DAAM1: variants seen among roughly 807,000 people sequenced by gnomAD.
The protein encoded by DAAM1 is disheveled-associated activator of morphogenesis 1.
Under a neutral mutation model 130.0 loss-of-function variants are expected in DAAM1, and 52 were observed. The observed-to-expected ratio is 0.40, with a 90% CI of 0.32 to 0.50. DAAM1 has a LOEUF of 0.50. DAAM1 is among the 20% of genes least tolerant of loss of function. The pLI, the probability that DAAM1 is intolerant of heterozygous loss-of-function variation, is 0.61. For missense variants in DAAM1, 1,134 were observed against 1,303.8 expected, an observed-to-expected ratio of 0.87 and a Z score of 2.01; for synonymous variants, 452 against 444.5, an observed-to-expected ratio of 1.02 and a Z score of -0.21.
intron 2 of DAAM1, among the ~76,000 whole-genome samples, chr14:59,275,530 T>C (rs1031293577): frequency 6.6e-6 from 1 of 152,222 alleles, no homozygotes; most frequent in Non-Finnish European, 1.5e-5. Context: ...TTGGAGATGA[T>C]TCTAACATGT....
chr14:59,294,044 T>C (rs1883854240), intron 3 of DAAM1, among the ~76,000 whole-genome samples: 1 of 152,178 alleles, frequency 6.6e-6, no homozygotes, highest in Non-Finnish European at 1.5e-5. Context: ...CAGGGCTCTG[T>C]CACATTTCCC....
intron 1 of DAAM1, among the ~76,000 whole-genome samples, chr14:59,218,461 CT>C (rs1374679736): frequency 6.6e-6 from 1 of 152,098 alleles, no homozygotes; most frequent in East Asian, 1.9e-4. Flanking sequence ...TGTTTCCTTG[CT>C]GTGATTTCAT....
intron 1 of DAAM1, among the ~76,000 whole-genome samples, chr14:59,257,516 T>G (rs992527118): frequency 6.8e-6 from 1 of 146,872 alleles, no homozygotes; most frequent in Non-Finnish European, 1.5e-5. Context: ...GAGAGCCAGA[T>G]AAGGAAGACA....
At chr14:59,305,271 T>C (rs1441660064) in intron 3 of DAAM1, among the ~76,000 whole-genome samples, 1 of 152,348 alleles carries the variant, frequency 6.6e-6, no homozygotes, top group East Asian at 1.9e-4. Context: ...TTGCACACTG[T>C]TGTGTCATAG....
chr14:59,235,334 C>G (rs964992700), intron 1 of DAAM1, among the ~76,000 whole-genome samples: 1 of 152,106 alleles, frequency 6.6e-6, no homozygotes, highest in African/African-American at 2.4e-5. Flanking sequence ...TGTTATTGGT[C>G]TATTCAGGGA....
intron 3 of DAAM1, among the ~76,000 whole-genome samples, chr14:59,304,441 C>T (rs1236924638): frequency 6.6e-6 from 1 of 152,140 alleles, no homozygotes; most frequent in African/African-American, 2.4e-5. Flanking sequence ...ACTTTAGGAA[C>T]CTGGTAACTT....
At chr14:59,299,522 C>G (rs1195129082) in intron 3 of DAAM1, among the ~76,000 whole-genome samples, 2 of 152,094 alleles carry the variant, frequency 1.3e-5, no homozygotes, top group African/African-American at 4.8e-5. Context: ...GCTTGTTCAC[C>G]CATATGCTGA....
At chr14:59,342,328 GC>G (rs1307678041) in intron 16 of DAAM1, among the ~76,000 whole-genome samples, 1 of 152,202 alleles carries the variant, frequency 6.6e-6, no homozygotes, top group East Asian at 1.9e-4. Context: ...ATGATTCAGT[GC>G]CCCGTCCTTT....
chr14:59,334,278 T>C (rs1885544148), intron 15 of DAAM1, among the ~76,000 whole-genome samples: 1 of 152,188 alleles, frequency 6.6e-6, no homozygotes, highest in Non-Finnish European at 1.5e-5. Flanking sequence ...AGAAAATGGG[T>C]TGCCTGTCAT....
intron 1 of DAAM1, among the ~76,000 whole-genome samples, 153 bp downstream of exon 1, chr14:59,188,921 A>C (rs1276301227): frequency 1.3e-5 from 2 of 151,942 alleles, no homozygotes; most frequent in African/African-American, 4.8e-5. Flanking sequence ...GTAGGTAAAT[A>C]TTAAACCCGT....
At chr14:59,340,266 A>C (rs1290330616) in intron 16 of DAAM1, 86 bp downstream of exon 16, 3 of 1,288,892 alleles carry the variant, frequency 2.3e-6, no homozygotes, top group South Asian at 1.2e-5. Context: ...ATTTTGTTTT[A>C]ATTGTACTCT....
intron 16 of DAAM1, among the ~76,000 whole-genome samples, 172 bp downstream of exon 16, chr14:59,340,352 A>G (rs1244327191): frequency 6.6e-6 from 1 of 152,226 alleles, no homozygotes; most frequent in Non-Finnish European, 1.5e-5. Flanking sequence ...CTAGTGGAAC[A>G]TATCAGAGCT....
intron 1 of DAAM1, among the ~76,000 whole-genome samples, chr14:59,235,321 A>C (rs556665602): frequency 6.6e-6 from 1 of 151,922 alleles, no homozygotes; most frequent in Non-Finnish European, 1.5e-5. Context: ...CAATTTCAGA[A>C]CTTGTTATTG....
chr14:59,291,107 TAAATATGTGTTTGTGTTTTTG>T, intron 2 of DAAM1, 89 bp from the exon 3 acceptor site: 1 of 852,736 alleles, frequency 1.2e-6, no homozygotes. Flanking sequence ...CAAGTTCATT[TAAATATGTGTTTGTGTTTTTG>T]TTTTTTTTCT....
At chr14:59,342,178 A>G (rs573126329) in intron 16 of DAAM1, among the ~76,000 whole-genome samples, 37 of 152,350 alleles carry the variant, frequency 2.4e-4, no homozygotes, top group Admixed American at 9.8e-4. Context: ...CAGATTATCA[A>G]TTAAAATCCA....
intron 1 of DAAM1, among the ~76,000 whole-genome samples, chr14:59,195,506 C>G (rs1447190893): frequency 6.6e-6 from 1 of 152,086 alleles, no homozygotes; most frequent in Non-Finnish European, 1.5e-5. Flanking sequence ...TTATTCTGTT[C>G]TATAAATTAC....
At chr14:59,301,291 A>G (rs1884161903) in intron 3 of DAAM1, among the ~76,000 whole-genome samples, 3 of 152,208 alleles carry the variant, frequency 2.0e-5, no homozygotes, top group Admixed American at 2.0e-4. Context: ...ATTCAAATAC[A>G]TACAAAGCCA....
Position 59,353,785 on chromosome 14 carries a change from G to A in DAAM1, c.2268-91G>A, listed in dbSNP as rs540187433. On this transcript the variant is annotated intron_variant, in intron 18 of 24. Coordinates refer to ENST00000360909, the MANE Select transcript of DAAM1 (RefSeq NM_001270520.2). ...GGGGAGTGGGTGGGTATTGGGGGAG[G>A]TGCTTCTAGGTACCTCCACCTCCAT... 4.9e-5 allele frequency: 59 copies of A among 1,195,908 alleles called. No homozygotes were observed. The South Asian group carries it at 6.9e-4, about 14-fold the overall frequency. The allele number at this position is 1,195,908 out of a possible 1,614,324, so 74.1% of individuals were successfully genotyped here.
chr14:59,269,527 G>A (rs577161465), intron 2 of DAAM1, among the ~76,000 whole-genome samples: 61 of 152,326 alleles, frequency 4.0e-4, no homozygotes, highest in South Asian at 2.7e-3. Flanking sequence ...CTTATCTGCC[G>A]ATGAAAGTTG....
Sources: allele counts gnomAD v4.1 joint callset (sites outside exome capture counted in the v4.1 genomes callset), GRCh38; gene constraint gnomAD v4.1.1; transcripts MANE v1.5; gene names NCBI Gene and HGNC (gene_info 2026-07-23, HGNC 2026-07-21).